Variants in TATDN2 observed in about 807,000 individuals in gnomAD.
TATDN2 encodes 3'-5' RNA nuclease TATDN2.
TATDN2 carries 44 observed loss-of-function variants against 60.3 expected under a neutral mutation model. The ratio of observed to expected loss-of-function variants is 0.73; its 90% CI spans 0.57 to 0.94. TATDN2 has a LOEUF of 0.94. TATDN2 is among the 40% of genes least tolerant of loss of function. The pLI, the probability that TATDN2 is intolerant of heterozygous loss-of-function variation, is 0.00. For missense variants in TATDN2, 997 were observed against 948.0 expected, an observed-to-expected ratio of 1.05 and a Z score of -0.68; for synonymous variants, 399 against 355.8, an observed-to-expected ratio of 1.12 and a Z score of -1.37.
chr3:10,248,875 G>A lies in TATDN2; in HGVS notation c.-199G>A. ...TGCAAACTGATCAAAGCGCTTCGTA[G>A]CCCCGGAAGCGCTTAGGCATCTCCG... On this transcript the variant is annotated 5_prime_UTR_variant, in exon 1 of 8. Coordinates refer to ENST00000448281, the MANE Select transcript of TATDN2 (RefSeq NM_014760.4). 4 of 328,348 alleles carry A rather than the reference G, an allele frequency of 1.2e-5. No homozygotes were observed. The highest frequency in any genetic ancestry group is 2.2e-5 in the Non-Finnish European group (4 of 181,896). 20.3% of individuals were successfully genotyped at this position (328,348 alleles called of 1,614,324 possible).
intron 2 of TATDN2, among the ~76,000 whole-genome samples, chr3:10,258,725 C>T (rs1209023175): frequency 1.3e-5 from 2 of 149,570 alleles, no homozygotes. Flanking sequence ...TTGCCTCGGC[C>T]TCCCAAAGTG....
chr3:10,266,493 G>A (rs369093168), intron 3 of TATDN2, among the ~76,000 whole-genome samples: 17 of 152,336 alleles, frequency 1.1e-4, no homozygotes, highest in African/African-American at 3.6e-4. Flanking sequence ...CCTGCCACTC[G>A]AATTAGGATC....
rs1698688376 is a variant in TATDN2, at chr3:10,279,217, C to G, written c.*39-4C>G. On this transcript the variant is annotated splice_polypyrimidine_tract_variant and splice_region_variant and intron_variant, in intron 7 of 7. Coordinates refer to ENST00000448281, the MANE Select transcript of TATDN2 (RefSeq NM_014760.4). ...CCTTCTTCTTTTTCTCTTCCACCCT[C>G]CAGGGCGACCAGCAGCCTGACAGAA... 5 of 705,244 alleles carry G rather than the reference C, an allele frequency of 7.1e-6. No homozygotes were observed. Among genetic ancestry groups the G allele is most frequent in the South Asian group, 6.0e-5 (3 of 50,288 alleles). 43.7% of individuals were successfully genotyped at this position (705,244 alleles called of 1,614,324 possible). A position where few individuals can be genotyped will look rare whatever the true frequency, so the allele number is the denominator to read the frequency against.
At position 10,270,452 on chromosome 3, in the gene TATDN2, A is replaced by C; in HGVS notation, c.1270A>C (p.Thr424Pro). 6.2e-7 allele frequency: 1 copy of C among 1,614,222 alleles called. No homozygotes were observed. The highest frequency in any genetic ancestry group is 8.5e-7 in the Non-Finnish European group (1 of 1,180,034). ...SRMSDYSPNSTGSVQNTSRDM... is the reference protein window; with the variant it reads ...SRMSDYSPNSPGSVQNTSRDM... ...CATGAGTGATTATTCCCCCAACTCT[A>C]CAGGGAGTGTCCAAAACACCTCCAG... is the stretch of plus-strand genomic sequence containing the variant. The change falls in exon 4 of 8, where the codon ACA (threonine) becomes CCA (proline). Residue 424 changes from threonine (T) to proline (P), a missense_variant. Thr to Pro is a conservative substitution (Grantham distance 38). Coordinates refer to ENST00000448281, the MANE Select transcript of TATDN2 (RefSeq NM_014760.4).
At chr3:10,251,709 A>T (rs1035215615) in intron 2 of TATDN2, among the ~76,000 whole-genome samples, 1 of 152,098 alleles carries the variant, frequency 6.6e-6, no homozygotes, top group African/African-American at 2.4e-5. Flanking sequence ...TTTTAAAAAA[A>T]TTATTTTATT....
At chr3:10,272,595 C>T (rs573139118) in intron 4 of TATDN2, among the ~76,000 whole-genome samples, 9 of 152,300 alleles carry the variant, frequency 5.9e-5, no homozygotes, top group East Asian at 1.9e-4. Context: ...CCCGCCACCA[C>T]GCCCAGCTAA....
intron 4 of TATDN2, among the ~76,000 whole-genome samples, chr3:10,272,593 C>G (rs1698582902): frequency 6.6e-6 from 1 of 152,186 alleles, no homozygotes; most frequent in South Asian, 2.1e-4. Flanking sequence ...CTCCCGCCAC[C>G]ACGCCCAGCT....
chr3:10,279,144 AT>A, intron 7 of TATDN2, 76 bp from the exon 8 acceptor site: 1 of 1,327,894 alleles, frequency 7.5e-7, no homozygotes, highest in Non-Finnish European at 1.0e-6. Flanking sequence ...GAATATAAAC[AT>A]AGTATGAGCA....
At chr3:10,273,404 C>T (rs567781353) in intron 4 of TATDN2, among the ~76,000 whole-genome samples, 2 of 152,262 alleles carry the variant, frequency 1.3e-5, no homozygotes, top group South Asian at 4.1e-4. Context: ...CCTAAAAGAG[C>T]AGTTAGCAAG....
In TATDN2 at chr3:10,271,027, C is replaced by G; in HGVS notation, c.1833+12C>G. 2.6e-6 allele frequency: 4 copies of G among 1,530,356 alleles called. No homozygotes were observed. The highest frequency in any genetic ancestry group is 3.5e-6 in the Non-Finnish European group (4 of 1,145,372). The allele number at this position is 1,530,356 out of a possible 1,614,324, so 94.8% of individuals were successfully genotyped here. A position where few individuals can be genotyped will look rare whatever the true frequency, so the allele number is the denominator to read the frequency against. ...CAGAACAGCACAAGGTAACAAGGCT[C>G]TCTTTAGTCTGCTTATAGTTTTAAT... On this transcript the variant is annotated intron_variant, in intron 4 of 7. Transcript: ENST00000448281.
In TATDN2 at chr3:10,278,935, G is replaced by A. The variant is rs769208984; in HGVS notation, c.2196G>A (p.Thr732=). The change falls in exon 7 of 8, where the codon ACG becomes ACA. Residue 732 remains threonine, a synonymous_variant. Transcript: ENST00000448281. This position sits in a 1 kb window ranked among gnomAD's most constrained non-coding sequence, Gnocchi z 4.7. Reference sequence around the variant, plus strand: ...CCCACCCGGGCCTGGCCTTGCATACGGTCCGAGAGATTGCCAGAGTCAAAG... The same window carrying A: ...CCCACCCGGGCCTGGCCTTGCATACAGTCCGAGAGATTGCCAGAGTCAAAG... ...QYAHPGLALH[T]VREIARVKDQ... The A allele has an allele frequency of 6.2e-6, 10 of 1,612,094 alleles. No individual in the cohort carries two copies. In the African/African-American group the frequency reaches 6.7e-5, roughly 11 times the overall value.
intron 3 of TATDN2, among the ~76,000 whole-genome samples, chr3:10,266,986 A>AG (rs1698486643): frequency 7.1e-6 from 1 of 140,946 alleles, no homozygotes; most frequent in African/African-American, 2.6e-5. Flanking sequence ...GTTGGAGTAC[A>AG]GTGGCTCACT....
At chr3:10,266,931 C>CTTTTTTTTTTTTTT (rs199956355) in intron 3 of TATDN2, among the ~76,000 whole-genome samples, 17 of 126,878 alleles carry the variant, frequency 1.3e-4, no homozygotes, top group South Asian at 2.8e-4. Context: ...CTAAGGCAGT[C>CTTTTTTTTTTTTTT]TTTTTTTTTT....
At position 10,248,930 on chromosome 3, in the gene TATDN2, T is replaced by G; in HGVS notation, c.-144T>G. 2.5e-6 allele frequency: 1 copy of G among 397,666 alleles called. No individual in the cohort carries two copies. Among genetic ancestry groups the G allele is most frequent in the Non-Finnish European group, 4.4e-6 (1 of 226,222 alleles). The allele number at this position is 397,666 out of a possible 1,614,324, so 24.6% of individuals were successfully genotyped here. ...AGCGCTGGGCAAAGTGAAGGCTTCC[T>G]GATCTCAGAAGCACGTTGTGGGCTT... is the stretch of plus-strand genomic sequence containing the variant. On this transcript the variant is annotated 5_prime_UTR_variant, in exon 1 of 8. Transcript: ENST00000448281.
In TATDN2 at chr3:10,270,113, A is replaced by G. The variant is rs180774674; in HGVS notation, c.949-18A>G. ...CATCGGAAGGCTAACCCACTGTTGT[A>G]TGCCTTCTTTTCTGCAGCATAAAGA... On this transcript the variant is annotated intron_variant, in intron 3 of 7. Coordinates refer to ENST00000448281, the MANE Select transcript of TATDN2 (RefSeq NM_014760.4). 150 of 1,597,482 alleles carry G rather than the reference A, an allele frequency of 9.4e-5. No individual in the cohort carries two copies. In the African/African-American group the frequency reaches 1.0e-3, roughly 11 times the overall value.
At chr3:10,275,293 T>C (rs1322397537) in intron 4 of TATDN2, among the ~76,000 whole-genome samples, 5 of 152,222 alleles carry the variant, frequency 3.3e-5, no homozygotes, top group Non-Finnish European at 7.3e-5. Flanking sequence ...AATACTTTTC[T>C]TTGTTCTAAA....
At chr3:10,275,564 G>T (rs952695777) in intron 4 of TATDN2, among the ~76,000 whole-genome samples, 1 of 152,020 alleles carries the variant, frequency 6.6e-6, no homozygotes, top group African/African-American at 2.4e-5. Flanking sequence ...GACCAACATG[G>T]CGAAACCCCA....
chr3:10,260,936 C>T (rs1409429032), intron 3 of TATDN2, among the ~76,000 whole-genome samples: 2 of 151,284 alleles, frequency 1.3e-5, no homozygotes, highest in African/African-American at 2.4e-5. Context: ...GCCAAAATCA[C>T]AGTGGCTTAA....
intron 4 of TATDN2, among the ~76,000 whole-genome samples, chr3:10,272,592 C>G (rs1322556509): frequency 6.6e-6 from 1 of 152,176 alleles, no homozygotes; most frequent in Non-Finnish European, 1.5e-5. Context: ...ACTCCCGCCA[C>G]CACGCCCAGC....
Sources: allele counts gnomAD v4.1 joint callset (sites outside exome capture counted in the v4.1 genomes callset), GRCh38; gene constraint gnomAD v4.1.1; non-coding constraint Gnocchi (gnomAD v3.1); transcripts MANE v1.5; gene names NCBI Gene and HGNC (gene_info 2026-07-23, HGNC 2026-07-21).